NCAPD3: variants seen among roughly 807,000 people sequenced by gnomAD.
NCAPD3 encodes non-SMC condensin II complex subunit D3.
A neutral mutation model predicts 182.9 loss-of-function variants in NCAPD3; 105 were observed. That is an observed-to-expected ratio of 0.57 (90% CI 0.49 to 0.68). The LOEUF is 0.68. Among genes scored for constraint, NCAPD3 ranks in the 30% least tolerant of loss-of-function variants. The pLI, the probability that NCAPD3 is intolerant of heterozygous loss-of-function variation, is 0.00. For missense variants in NCAPD3, 1,944 were observed against 1,837.0 expected (o/e 1.06, Z -1.07); for synonymous variants, 815 against 679.9 (o/e 1.20, Z -3.09).
At chr11:134,220,187 CTT>C in intron 2 of NCAPD3, among the ~76,000 whole-genome samples, 2 of 145,804 alleles carry the variant, frequency 1.4e-5, no homozygotes, top group East Asian at 2.0e-4. Flanking sequence ...TATATTTTTC[CTT>C]TTTTTTTTTC....
chr11:134,160,926 T>C (rs751051846), intron 28 of NCAPD3, among the ~76,000 whole-genome samples: 29 of 151,408 alleles, frequency 1.9e-4, no homozygotes, highest in African/African-American at 2.4e-4. Flanking sequence ...GTAGTCTATG[T>C]AGGATCAAAG....
At chr11:134,202,246 T>C (rs1351868405) in intron 13 of NCAPD3, among the ~76,000 whole-genome samples, 2 of 152,246 alleles carry the variant, frequency 1.3e-5, no homozygotes, top group African/African-American at 4.8e-5. Flanking sequence ...TCTTAAATGT[T>C]GTTTCTACAG....
intron 8 of NCAPD3, 119 bp downstream of exon 8, chr11:134,206,480 C>A (rs542777252): frequency 1.5e-6 from 2 of 1,348,694 alleles, no homozygotes; most frequent in African/African-American, 3.0e-5. Flanking sequence ...TTGGTTTTCA[C>A]CCCCAAAACC....
At chr11:134,223,722 G>T in intron 1 of NCAPD3, 141 bp downstream of exon 1, 1 of 960,286 alleles carries the variant, frequency 1.0e-6, no homozygotes, top group Non-Finnish European at 1.6e-6. Context: ...GGCGTGGCAC[G>T]GCCCTGGGGA....
At chr11:134,167,501 C>A (rs1943876818) in intron 27 of NCAPD3, among the ~76,000 whole-genome samples, 1 of 141,932 alleles carries the variant, frequency 7.0e-6, no homozygotes, top group South Asian at 2.3e-4. Context: ...GAGGCGCACA[C>A]TCGTGAGATG....
intron 8 of NCAPD3, among the ~76,000 whole-genome samples, chr11:134,205,580 T>C (rs1937596899): frequency 6.6e-6 from 1 of 152,140 alleles, no homozygotes; most frequent in South Asian, 2.1e-4. Flanking sequence ...TTTCACCATG[T>C]TGGCCAGGCT....
rs189767419 is a variant in NCAPD3 at position 134,165,966 on chromosome 11, G to C, written c.3573+2030C>G. Among the ~76,000 whole-genome samples the C allele has an allele frequency of 7.2e-4, 84 of 117,140 alleles. 1 individual carries two copies. The highest frequency in any genetic ancestry group is 7.1e-3 in the Middle Eastern group (1 of 140). 76.8% of individuals were successfully genotyped at this position (117,140 alleles called of 152,430 possible). A position where few individuals can be genotyped will look rare whatever the true frequency, so the allele number is the denominator to read the frequency against. On this transcript the variant is annotated intron_variant, in intron 27 of 34. Coordinates refer to ENST00000534548, the MANE Select transcript of NCAPD3 (RefSeq NM_015261.3). Reference sequence around the variant, plus strand: ...ACTTGTGAGATGAGCTTGGGGGAGGGGCACACTCAGTGAGATGAGCTTAGG... The same window carrying C: ...ACTTGTGAGATGAGCTTGGGGGAGGCGCACACTCAGTGAGATGAGCTTAGG...
rs9888219 is a variant in NCAPD3 at position 134,185,601 on chromosome 11, A to G, written c.2046-75T>C. On this transcript the variant is annotated intron_variant, in intron 16 of 34. Coordinates refer to ENST00000534548, the MANE Select transcript of NCAPD3 (RefSeq NM_015261.3). The stretch of plus-strand genomic sequence containing the variant: ...AATGATTCAGATGGGAGCCTCACTG[A>G]AAGGGTATCAACTTCTGCTGCTCCA... The G allele has an allele frequency of 0.013, 16,832 of 1,252,156 alleles. 1,791 individuals are homozygous for G. The African/African-American group carries it at 0.23, about 17-fold the overall frequency. 77.6% of individuals were successfully genotyped at this position (1,252,156 alleles called of 1,614,324 possible).
intron 32 of NCAPD3, among the ~76,000 whole-genome samples, chr11:134,154,595 G>A (rs554284055): frequency 2.8e-5 from 4 of 145,160 alleles, no homozygotes; most frequent in South Asian, 2.2e-4. Flanking sequence ...GTGCAGCCTC[G>A]CCCCTCCTGG....
intron 32 of NCAPD3, 24 bp downstream of exon 32, chr11:134,156,994 C>A: frequency 6.3e-7 from 1 of 1,585,808 alleles, no homozygotes. Flanking sequence ...AGGAGAAGCC[C>A]ACGTGTTCCG....
chr11:134,223,962 A>G lies in NCAPD3; in HGVS notation c.-36T>C, dbSNP rs764949123. 3.1e-6 allele frequency: 5 copies of G among 1,607,178 alleles called. No individual in the cohort carries two copies. The highest frequency in any genetic ancestry group is 4.2e-6 in the Non-Finnish European group (5 of 1,177,776). On this transcript the variant is annotated 5_prime_UTR_variant, in exon 1 of 35. Transcript: ENST00000534548. ...CACCGGCTCGCCGCCGCCGTGCTCA[A>G]CTTTCAAAGCTCGCTCCCGCGCGCG...
chr11:134,155,061 C>G (rs759485867), intron 32 of NCAPD3, among the ~76,000 whole-genome samples: 1 of 152,164 alleles, frequency 6.6e-6, no homozygotes, highest in Admixed American at 6.5e-5. Flanking sequence ...GGGGCTCTGA[C>G]GTCCCCCATG....
In NCAPD3 at chr11:134,152,616, C is replaced by A. The variant is rs1332715088; in HGVS notation, c.*328G>T. 1 of 213,102 alleles carries A rather than the reference C, an allele frequency of 4.7e-6. No individual in the cohort carries two copies. The highest frequency in any genetic ancestry group is 9.2e-6 in the Non-Finnish European group (1 of 109,148). 13.2% of individuals were successfully genotyped at this position (213,102 alleles called of 1,614,324 possible). ...GAGGCTTGATTTATATAAAAGAAAGCTGCAGTTTTAAAGTTGTGTTCCTTA... is the reference window on the plus strand; with the variant it reads ...GAGGCTTGATTTATATAAAAGAAAGATGCAGTTTTAAAGTTGTGTTCCTTA... On this transcript the variant is annotated 3_prime_UTR_variant, in exon 35 of 35. Coordinates refer to ENST00000534548, the MANE Select transcript of NCAPD3 (RefSeq NM_015261.3).
In NCAPD3 at chr11:134,201,697, C is replaced by T. The variant is rs1944752545; in HGVS notation, c.1615+1119G>A. ...TCATAATTTTTAAGCATCATTAAATCACCTCAACTTGATATTGCTTGAAAA... is the reference window on the plus strand; with the variant it reads ...TCATAATTTTTAAGCATCATTAAATTACCTCAACTTGATATTGCTTGAAAA... On this transcript the variant is annotated intron_variant, in intron 13 of 34. Transcript: ENST00000534548. Among the ~76,000 whole-genome samples, 2 of 152,190 alleles carry T rather than the reference C, an allele frequency of 1.3e-5. 1 individual carries two copies. The highest frequency in any genetic ancestry group is 1.3e-4 in the Admixed American group (2 of 15,282).
chr11:134,184,810 T>TACACAC (rs60568256), intron 18 of NCAPD3, 58 bp from the exon 19 acceptor site: 27,390 of 1,000,760 alleles, frequency 0.027, 115 homozygotes, highest in South Asian at 0.037. Flanking sequence ...CAGGTATATA[T>TACACAC]ACACACACAC....
intron 19 of NCAPD3, among the ~76,000 whole-genome samples, chr11:134,183,836 G>A (rs1944345426): frequency 6.6e-6 from 1 of 152,164 alleles, no homozygotes; most frequent in South Asian, 2.1e-4. Flanking sequence ...TCAAGAAAAG[G>A]AAACACAGGA....
At chr11:134,201,429 T>C (rs891547409) in intron 13 of NCAPD3, among the ~76,000 whole-genome samples, 1 of 152,196 alleles carries the variant, frequency 6.6e-6, no homozygotes, top group Non-Finnish European at 1.5e-5. Context: ...ATTTTTCAGC[T>C]GATGGAATGT....
chr11:134,210,568 A>G, intron 3 of NCAPD3, 114 bp from the exon 4 acceptor site: 1 of 913,804 alleles, frequency 1.1e-6, no homozygotes, highest in Non-Finnish European at 1.7e-6. Context: ...ACTGTGAATA[A>G]CAATGAACCT....
At chr11:134,211,572 C>T (rs1208122232) in intron 3 of NCAPD3, among the ~76,000 whole-genome samples, 1 of 151,948 alleles carries the variant, frequency 6.6e-6, no homozygotes, top group East Asian at 1.9e-4. Flanking sequence ...GGAAAATGTG[C>T]CCCATAAGAA....
Sources: gnomAD v4.1 joint callset for allele counts (sites outside exome capture counted in the v4.1 genomes callset) on GRCh38, gnomAD v4.1.1 for gene constraint, MANE v1.5 for transcripts, NCBI Gene and HGNC (gene_info 2026-07-23, HGNC 2026-07-21) for gene names.